The following COL22A1 variants were observed in gnomAD, a reference collection of about 807,000 sequenced individuals.
The protein encoded by COL22A1 is collagen type XXII alpha 1 chain.
Under a neutral mutation model 248.9 loss-of-function variants are expected in COL22A1, and 221 were observed. The observed-to-expected ratio is 0.89, with a 90% CI of 0.80 to 0.99. COL22A1 has a LOEUF of 0.99. COL22A1 is among the 50% of genes least tolerant of loss of function. The probability of loss-of-function intolerance (pLI) is 0.00; values close to 1 mark genes in which losing one functional copy is unlikely to be tolerated. For synonymous variants in COL22A1, 891 were observed against 793.4 expected (o/e 1.12, Z -2.07); for missense variants, 2,240 against 2,179.0 (o/e 1.03, Z -0.56).
chr8:138,896,978 A>C (rs1563900198), intron 1 of COL22A1, among the ~76,000 whole-genome samples: 1 of 151,552 alleles, frequency 6.6e-6, no homozygotes, highest in African/African-American at 2.4e-5. Flanking sequence ...TTCTCAAAAA[A>C]AAAAATCCAT....
intron 42 of COL22A1, among the ~76,000 whole-genome samples, chr8:138,663,012 T>TCACACACACACACACACACA (rs1238032353): frequency 0.023 from 3,263 of 140,782 alleles, 108 homozygotes; most frequent in East Asian, 0.1. Context: ...CAGGACTCTG[T>TCACACACACACACACACACA]CACTCACACA....
intron 39 of COL22A1, among the ~76,000 whole-genome samples, chr8:138,681,341 AGTGG>A (rs1825949299): frequency 9.9e-5 from 15 of 152,118 alleles, no homozygotes; most frequent in African/African-American, 1.7e-4. Context: ...CCTACCCATC[AGTGG>A]ATCTTTGGGA....
intron 61 of COL22A1, among the ~76,000 whole-genome samples, chr8:138,597,911 G>A (rs1336248163): frequency 6.6e-6 from 1 of 152,136 alleles, no homozygotes; most frequent in African/African-American, 2.4e-5. Context: ...GCGTCTTTCA[G>A]GGCACCTGAA....
chr8:138,643,776 T>G (rs1437376188), intron 47 of COL22A1, among the ~76,000 whole-genome samples: 3 of 152,184 alleles, frequency 2.0e-5, no homozygotes, highest in African/African-American at 7.2e-5. Flanking sequence ...CTTCACTCAC[T>G]ACAACCTCTG....
At chr8:138,760,138 AGTTGCCAC>A (rs1833335744) in intron 18 of COL22A1, 97 bp downstream of exon 18, 2 of 822,096 alleles carry the variant, frequency 2.4e-6, no homozygotes, top group East Asian at 6.6e-5. Context: ...TTGTTCCCAG[AGTTGCCAC>A]CCAGGCCCCT....
intron 12 of COL22A1, among the ~76,000 whole-genome samples, chr8:138,791,175 T>G (rs982176305): frequency 9.9e-5 from 15 of 152,252 alleles, no homozygotes. Flanking sequence ...AATGCCTTGC[T>G]TGATGCTGGG....
chr8:138,707,918 G>A (rs544684826), intron 30 of COL22A1, among the ~76,000 whole-genome samples: 1 of 152,188 alleles, frequency 6.6e-6, no homozygotes. Context: ...TCCTTAAGCT[G>A]AGAAGCAACT....
intron 45 of COL22A1, among the ~76,000 whole-genome samples, chr8:138,654,953 G>A (rs939399317): frequency 2.0e-5 from 3 of 152,180 alleles, no homozygotes; most frequent in African/African-American, 7.2e-5. Context: ...CTGAACCTGC[G>A]CTCTGGTCCT....
At chr8:138,862,048 GA>G (rs1359852680) in intron 3 of COL22A1, among the ~76,000 whole-genome samples, 26 of 82,236 alleles carry the variant, frequency 3.2e-4, no homozygotes, top group Non-Finnish European at 5.6e-4. Context: ...AAAAAAAAAA[GA>G]AAAAAAGAAA....
chr8:138,819,812 G>C (rs1818959539), intron 7 of COL22A1, among the ~76,000 whole-genome samples: 1 of 151,268 alleles, frequency 6.6e-6, no homozygotes, highest in Non-Finnish European at 1.5e-5. Context: ...AGAGCAATTT[G>C]AAATACATGG....
intron 11 of COL22A1, among the ~76,000 whole-genome samples, chr8:138,802,314 T>G (rs1442848850): frequency 6.6e-6 from 1 of 152,058 alleles, no homozygotes; most frequent in Non-Finnish European, 1.5e-5. Flanking sequence ...ATACAATTCA[T>G]GCTAGGCCAG....
chr8:138,687,497 T>C (rs1826455702), intron 37 of COL22A1, among the ~76,000 whole-genome samples: 1 of 152,214 alleles, frequency 6.6e-6, no homozygotes, highest in African/African-American at 2.4e-5. Flanking sequence ...AAAGAATTCA[T>C]GTTAAGAAGT....
At chr8:138,668,597 CT>C (rs764719059) in intron 41 of COL22A1, among the ~76,000 whole-genome samples, 2 of 152,236 alleles carry the variant, frequency 1.3e-5, no homozygotes, top group Non-Finnish European at 2.9e-5. Flanking sequence ...AGCTTCCCTT[CT>C]CTCAGAATTG....
chr8:138,913,723 TG>T lies in COL22A1; in HGVS notation c.-178del. ...ACACCAGCCCCAGGAATCCTCCTCC[TG>T]GGGGTCACCTGTCAGCCACTCGCCC... On this transcript the variant is annotated 5_prime_UTR_variant, in exon 1 of 65. Coordinates refer to ENST00000303045, the MANE Select transcript of COL22A1 (RefSeq NM_152888.3). 2 of 152,940 alleles carry T rather than the reference TG, an allele frequency of 1.3e-5. No individual in the cohort carries two copies. The highest frequency in any genetic ancestry group is 1.5e-5 in the Non-Finnish European group (1 of 68,618). The allele number at this position is 152,940 out of a possible 1,614,324, so 9.5% of individuals were successfully genotyped here.
chr8:138,605,351 A>G (rs150920817), intron 58 of COL22A1, among the ~76,000 whole-genome samples: 7 of 152,128 alleles, frequency 4.6e-5, no homozygotes, highest in Admixed American at 6.5e-5. Context: ...CAAGCACCCC[A>G]CTCTTATCAT....
Position 138,874,570 on chromosome 8 carries a change from G to A in COL22A1, c.658+3180C>T, listed in dbSNP as rs1823568407. 2.6e-5 allele frequency among the ~76,000 whole-genome samples: 4 copies of A among 152,156 alleles called. No individual in the cohort carries two copies. In the South Asian group the frequency reaches 8.3e-4, roughly 32 times the overall value. On this transcript the variant is annotated intron_variant, in intron 3 of 64. Transcript: ENST00000303045. ...AGTGAGACCGAGTGCCAGGCCTGCT[G>A]GGTAATAATCTCTTCTCCTCCCCGG...
intron 56 of COL22A1, among the ~76,000 whole-genome samples, chr8:138,612,293 C>T (rs745356820): frequency 6.6e-6 from 1 of 152,002 alleles, no homozygotes; most frequent in Non-Finnish European, 1.5e-5. Flanking sequence ...TGTGATGGCC[C>T]CTGGGCTTAA....
chr8:138,669,044 G>A (rs1824778468), intron 41 of COL22A1, among the ~76,000 whole-genome samples: 1 of 152,178 alleles, frequency 6.6e-6, no homozygotes, highest in Admixed American at 6.5e-5. Context: ...CTCCAGGAAT[G>A]CCCCAGGGAA....
chr8:138,681,696 A>G (rs1825975532), intron 39 of COL22A1, among the ~76,000 whole-genome samples: 1 of 152,168 alleles, frequency 6.6e-6, no homozygotes. Flanking sequence ...TGGTTAATGC[A>G]CAAAATCCTC....
Sources: gnomAD v4.1 joint callset for allele counts (sites outside exome capture counted in the v4.1 genomes callset) on GRCh38, gnomAD v4.1.1 for gene constraint, MANE v1.5 for transcripts, NCBI Gene and HGNC (gene_info 2026-07-23, HGNC 2026-07-21) for gene names.